CHODL: variants seen among roughly 807,000 people sequenced by gnomAD.
The protein encoded by CHODL is transmembrane protein MT75.
A neutral mutation model predicts 34.5 loss-of-function variants in CHODL; 29 were observed. That is an observed-to-expected ratio of 0.84 (90% CI 0.63 to 1.15). CHODL has a LOEUF of 1.15. CHODL is among the 50% of genes most tolerant of loss of function. The pLI is 0.00. For synonymous variants in CHODL, 125 were observed against 116.1 expected (o/e 1.08, Z -0.49); for missense variants, 332 against 332.5 (o/e 1.00, Z 0.01).
chr21:18,044,541 T>C (rs1389847853), intron 2 of CHODL, among the ~76,000 whole-genome samples: 2 of 151,992 alleles, frequency 1.3e-5, no homozygotes, highest in African/African-American at 4.8e-5. Flanking sequence ...CAGTACTGAC[T>C]CATTGTGGTC....
rs562436055 is a variant in CHODL at position 18,019,167 on chromosome 21, T to A, written c.-144-8705T>A. 3.3e-5 allele frequency among the ~76,000 whole-genome samples: 5 copies of A among 152,332 alleles called. No homozygotes were observed. The East Asian group carries it at 9.6e-4, about 29-fold the overall frequency. ...CATATTAAGATATCAAAAATGCTAGTTATTATCACTATTATTTTAAGCTAT... is the reference window on the plus strand; with the variant it reads ...CATATTAAGATATCAAAAATGCTAGATATTATCACTATTATTTTAAGCTAT... On this transcript the variant is annotated intron_variant, in intron 1 of 6. Coordinates refer to the CHODL transcript ENST00000400127.
At chr21:18,065,296 TC>T (rs2064718001) in intron 2 of CHODL, among the ~76,000 whole-genome samples, 1 of 152,226 alleles carries the variant, frequency 6.6e-6, no homozygotes. Flanking sequence ...ATGTAAACCA[TC>T]TTTTTCATCT....
chr21:18,256,932 G>A (rs1316188663), intron 2 of CHODL, 38 bp from the exon 3 acceptor site: 2 of 1,596,848 alleles, frequency 1.3e-6, no homozygotes, highest in Non-Finnish European at 8.5e-7. Flanking sequence ...CATTTAGTAG[G>A]CATGTATCTG....
In CHODL at chr21:17,992,715, G is replaced by GTTTTTT. The variant is rs1237074983; in HGVS notation, c.-144-35155_-144-35154insTTTTTT. 2.4e-3 allele frequency among the ~76,000 whole-genome samples: 75 copies of GTTTTTT among 31,486 alleles called. 4 individuals are homozygous for GTTTTTT. The highest frequency in any genetic ancestry group is 3.5e-3 in the South Asian group (2 of 570). 20.7% of individuals were successfully genotyped at this position (31,486 alleles called of 152,430 possible). On this transcript the variant is annotated intron_variant, in intron 1 of 6. Transcript: ENST00000400127. ...ATCAGTTCTCAGAGTTTCTGGTGGA[G>GTTTTTT]TTGTTTTTTTTTTTTTTTTTTTTTT...
chr21:18,017,217 T>C (rs991100764), intron 1 of CHODL, among the ~76,000 whole-genome samples: 7 of 152,148 alleles, frequency 4.6e-5, no homozygotes, highest in African/African-American at 1.7e-4. Context: ...TGGAGTGATA[T>C]GGTTTGGCTC....
chr21:18,231,405 G>A (rs1424744523), intron 2 of CHODL, among the ~76,000 whole-genome samples: 3 of 152,062 alleles, frequency 2.0e-5, no homozygotes, highest in Non-Finnish European at 4.4e-5. Flanking sequence ...ACTTGGCACA[G>A]CAGTGCTTCC....
At chr21:17,937,130 G>GT (rs1727933043) in intron 1 of CHODL, among the ~76,000 whole-genome samples, 1 of 150,988 alleles carries the variant, frequency 6.6e-6, no homozygotes, top group South Asian at 2.1e-4. Flanking sequence ...TGTAGAAATG[G>GT]ATATGCACTG....
intron 2 of CHODL, among the ~76,000 whole-genome samples, chr21:18,165,155 A>G (rs367831987): frequency 6.6e-6 from 1 of 152,214 alleles, no homozygotes; most frequent in Non-Finnish European, 1.5e-5. Flanking sequence ...TGAAACAAAA[A>G]CGCCTCCAGA....
intron 2 of CHODL, among the ~76,000 whole-genome samples, chr21:18,219,336 A>T (rs1419866774): frequency 6.6e-6 from 1 of 152,160 alleles, no homozygotes; most frequent in Non-Finnish European, 1.5e-5. Context: ...AAACCATCAG[A>T]TCTCAAGAGA....
At chr21:18,023,835 T>C (rs2064149824) in intron 1 of CHODL, among the ~76,000 whole-genome samples, 1 of 152,140 alleles carries the variant, frequency 6.6e-6, no homozygotes, top group South Asian at 2.1e-4. Flanking sequence ...ACAGTATACA[T>C]ATGGCTTTCC....
At chr21:18,236,383 G>A (rs1031270010) in intron 2 of CHODL, among the ~76,000 whole-genome samples, 3 of 152,010 alleles carry the variant, frequency 2.0e-5, no homozygotes, top group Non-Finnish European at 4.4e-5. Flanking sequence ...CTTCGGTGGG[G>A]ACACAGCCAA....
intron 2 of CHODL, among the ~76,000 whole-genome samples, chr21:18,237,241 G>A (rs975565736): frequency 2.6e-5 from 4 of 152,054 alleles, no homozygotes; most frequent in African/African-American, 9.7e-5. Flanking sequence ...TAGCAGTGTG[G>A]AAGTAGAAAA....
intron 1 of CHODL, among the ~76,000 whole-genome samples, chr21:17,952,314 C>G (rs1014922696): frequency 1.3e-5 from 2 of 151,094 alleles, no homozygotes; most frequent in Non-Finnish European, 2.9e-5. Flanking sequence ...CTGACAACCA[C>G]AGGTTTATAG....
At position 18,262,839 on chromosome 21, in the gene CHODL, T is replaced by C; in HGVS notation, c.683T>C (p.Leu228Pro). ...IYVVIPTIPL[L>P]LLILVAFGTC... ...GTTGTTATACCAACAATACCCCTGCTCTTACTGATACTGGTTGCTTTTGGA... is the reference window on the plus strand; with the variant it reads ...GTTGTTATACCAACAATACCCCTGCCCTTACTGATACTGGTTGCTTTTGGA... The change falls in exon 5 of 6, where the codon CTC becomes CCC. Residue 228 changes from leucine to proline, a missense_variant. Leu to Pro is a moderately conservative substitution (Grantham distance 98, BLOSUM62 -3). Transcript: ENST00000299295. The C allele has an allele frequency of 6.2e-7, 1 of 1,610,850 alleles. No homozygotes were observed. The highest frequency in any genetic ancestry group is 8.5e-7 in the Non-Finnish European group (1 of 1,177,396).
chr21:18,031,285 A>T (rs545419338), intron 2 of CHODL, among the ~76,000 whole-genome samples: 1 of 152,068 alleles, frequency 6.6e-6, no homozygotes, highest in Non-Finnish European at 1.5e-5. Flanking sequence ...CCTGTGGGAG[A>T]TTCCTTACTA....
intron 2 of CHODL, among the ~76,000 whole-genome samples, chr21:18,186,946 C>T (rs371358866): frequency 6.6e-6 from 1 of 152,176 alleles, no homozygotes; most frequent in African/African-American, 2.4e-5. Flanking sequence ...ACATTCAATG[C>T]TCTAGGGCTA....
At chr21:18,215,928 C>A in intron 2 of CHODL, among the ~76,000 whole-genome samples, 1 of 152,148 alleles carries the variant, frequency 6.6e-6, no homozygotes, top group East Asian at 1.9e-4. Context: ...CATTAAACTC[C>A]ATTTAAGCAA....
rs1024414150 is a variant in CHODL, at chr21:18,265,924, G to T, written c.738-30G>T. The T allele has an allele frequency of 2.5e-6, 4 of 1,585,058 alleles. No homozygotes were observed. In the Admixed American group the frequency reaches 5.2e-5, roughly 20 times the overall value. On this transcript the variant is annotated intron_variant, in intron 5 of 5. Coordinates refer to ENST00000299295, the MANE Select transcript of CHODL (RefSeq NM_024944.3). ...TGCTTAGTTTAATAAGAAATTTTAG[G>T]CACTAAACATTTTTTCTTATGTTTT...
At chr21:18,193,744 T>TAAA (rs914023702) in intron 2 of CHODL, among the ~76,000 whole-genome samples, 2 of 148,972 alleles carry the variant, frequency 1.3e-5, no homozygotes, top group African/African-American at 4.9e-5. Flanking sequence ...AATAAATAAA[T>TAAA]AAAAAATAAA....
Sources: allele counts gnomAD v4.1 joint callset (sites outside exome capture counted in the v4.1 genomes callset), GRCh38; gene constraint gnomAD v4.1.1; transcripts MANE v1.5; gene names NCBI Gene and HGNC (gene_info 2026-07-23, HGNC 2026-07-21).